PTPRN2: variants seen among roughly 807,000 people sequenced by gnomAD.
PTPRN2 encodes protein tyrosine phosphatase receptor type N2.
Under a neutral mutation model 118.8 loss-of-function variants are expected in PTPRN2, and 74 were observed. The observed-to-expected ratio is 0.62, with a 90% CI of 0.52 to 0.76. The LOEUF (loss-of-function observed/expected upper bound fraction) is 0.76. PTPRN2 is among the 30% of genes least tolerant of loss of function. The pLI, the probability that PTPRN2 is intolerant of heterozygous loss-of-function variation, is 0.00. For missense variants in PTPRN2, 1,481 were observed against 1,394.4 expected, an observed-to-expected ratio of 1.06 and a Z score of -0.99; for synonymous variants, 641 against 608.0, an observed-to-expected ratio of 1.05 and a Z score of -0.80.
At chr7:158,300,481 AT>A (rs1344133873) in intron 3 of PTPRN2, among the ~76,000 whole-genome samples, 1 of 152,126 alleles carries the variant, frequency 6.6e-6, no homozygotes, top group Non-Finnish European at 1.5e-5. Flanking sequence ...CCCAACCTAT[AT>A]TTTGTGTGAG....
intron 11 of PTPRN2, among the ~76,000 whole-genome samples, chr7:158,008,946 C>T (rs1351028565): frequency 6.6e-6 from 1 of 152,204 alleles, no homozygotes; most frequent in Non-Finnish European, 1.5e-5. Context: ...AAATGAGACA[C>T]AGGCTTTCTC....
intron 3 of PTPRN2, among the ~76,000 whole-genome samples, chr7:158,302,327 C>G (rs939981345): frequency 1.3e-5 from 2 of 152,208 alleles, no homozygotes; most frequent in African/African-American, 4.8e-5. Flanking sequence ...GGAGGTGAAC[C>G]ACCATCAGTG....
At chr7:157,685,275 G>C (rs920497063) in intron 12 of PTPRN2, among the ~76,000 whole-genome samples, 14 of 151,924 alleles carry the variant, frequency 9.2e-5, no homozygotes, top group African/African-American at 3.1e-4. Context: ...CCCCGGCGTC[G>C]GGAGGACACC....
At chr7:158,436,191 T>C (rs1259728555) in intron 2 of PTPRN2, among the ~76,000 whole-genome samples, 3 of 152,238 alleles carry the variant, frequency 2.0e-5, no homozygotes, top group African/African-American at 7.2e-5. Context: ...GCCACCAATA[T>C]TCGTGTTGAT....
At chr7:157,561,063 G>T (rs1357530347) in intron 21 of PTPRN2, among the ~76,000 whole-genome samples, 5 of 152,208 alleles carry the variant, frequency 3.3e-5, no homozygotes, top group Non-Finnish European at 1.5e-5. Context: ...TCCATTCCCT[G>T]GCCCTCTTAG....
At chr7:157,656,678 G>C in intron 13 of PTPRN2, 127 bp from the exon 14 acceptor site, 1 of 1,013,958 alleles carries the variant, frequency 9.9e-7, no homozygotes, top group Non-Finnish European at 1.4e-6. Context: ...GCAGGCGAGA[G>C]TTTACCCCAG....
chr7:157,771,690 GAC>G (rs1207290217), intron 12 of PTPRN2, among the ~76,000 whole-genome samples: 1 of 151,464 alleles, frequency 6.6e-6, no homozygotes, highest in African/African-American at 2.4e-5. Context: ...CACACATGCA[GAC>G]ACACAAACAC....
At chr7:158,522,481 G>A (rs1445345993) in intron 1 of PTPRN2, among the ~76,000 whole-genome samples, 2 of 151,016 alleles carry the variant, frequency 1.3e-5, no homozygotes, top group South Asian at 2.1e-4. Flanking sequence ...TCAGAATGGT[G>A]GACTGTTTTA....
At chr7:158,388,742 T>C (rs1028136059) in intron 2 of PTPRN2, among the ~76,000 whole-genome samples, 1 of 152,142 alleles carries the variant, frequency 6.6e-6, no homozygotes, top group East Asian at 1.9e-4. Context: ...CCTTGGCCTT[T>C]CTGGCCACCA....
chr7:158,045,169 C>T (rs950447219), intron 11 of PTPRN2, among the ~76,000 whole-genome samples: 6 of 152,132 alleles, frequency 3.9e-5, no homozygotes, highest in Non-Finnish European at 2.9e-5. Context: ...ATATCTGACC[C>T]GGCTTTAAAG....
At chr7:158,467,333 G>A (rs1307408146) in intron 2 of PTPRN2, among the ~76,000 whole-genome samples, 1 of 151,976 alleles carries the variant, frequency 6.6e-6, no homozygotes, top group East Asian at 1.9e-4. Context: ...AGTTGAGTGA[G>A]TTCCTTATAT....
rs117673343 is a variant in PTPRN2 at position 158,127,876 on chromosome 7, C to T, written c.1556+5801G>A. 5.9e-3 allele frequency among the ~76,000 whole-genome samples: 905 copies of T among 152,262 alleles called. 6 individuals carry two copies. The highest frequency in any genetic ancestry group is 0.018 in the African/African-American group (744 of 41,546). On this transcript the variant is annotated intron_variant, in intron 9 of 22. Coordinates refer to ENST00000389418, the MANE Select transcript of PTPRN2 (RefSeq NM_002847.5). ...TAAAGTTGTCCTTGGAGGACTGGGG[C>T]GGCTGTCCTGCCCTTCGTCCAGTCT...
At chr7:158,135,472 T>C (rs1818729258) in intron 8 of PTPRN2, among the ~76,000 whole-genome samples, 1 of 151,970 alleles carries the variant, frequency 6.6e-6, no homozygotes, top group Non-Finnish European at 1.5e-5. Context: ...AAATAAGAAG[T>C]CAGAAAATAC....
At position 158,490,687 on chromosome 7, in the gene PTPRN2, C is replaced by T. The variant is rs576385393; in HGVS notation, c.113-902G>A. 1.2e-3 allele frequency among the ~76,000 whole-genome samples: 189 copies of T among 152,346 alleles called. 2 individuals are homozygous for T. The highest frequency in any genetic ancestry group is 4.3e-3 in the African/African-American group (180 of 41,586). ...CAGCAAAGGCCAGGTGTGGTGTGAA[C>T]GCGCAGTGTCTTTCACTCATTCCTG... On this transcript the variant is annotated intron_variant, in intron 1 of 22. Coordinates refer to ENST00000389418, the MANE Select transcript of PTPRN2 (RefSeq NM_002847.5).
intron 3 of PTPRN2, among the ~76,000 whole-genome samples, chr7:158,270,605 G>A (rs971756383): frequency 6.6e-6 from 1 of 152,088 alleles, no homozygotes; most frequent in African/African-American, 2.4e-5. Context: ...TCCTTTCAGG[G>A]CAGTAATAAG....
At chr7:158,167,769 C>T (rs1393163326) in intron 5 of PTPRN2, among the ~76,000 whole-genome samples, 1 of 152,212 alleles carries the variant, frequency 6.6e-6, no homozygotes, top group Non-Finnish European at 1.5e-5. Flanking sequence ...GGCATCTGTG[C>T]CTGGCTCATT....
chr7:158,100,443 TG>T (rs1475675624), intron 10 of PTPRN2, among the ~76,000 whole-genome samples: 3 of 152,220 alleles, frequency 2.0e-5, no homozygotes, highest in Non-Finnish European at 4.4e-5. Context: ...CTGAATCAAA[TG>T]GTAGTTCTTT....
intron 6 of PTPRN2, among the ~76,000 whole-genome samples, chr7:158,149,327 T>G (rs113436333): frequency 0.027 from 4,184 of 152,284 alleles, 75 homozygotes; most frequent in Non-Finnish European, 0.043. Context: ...ACTGCCTATA[T>G]TTAACCCCTG....
chr7:157,810,544 ACGGGGACGGCGGGACTGC>A (rs1805938665), intron 12 of PTPRN2, among the ~76,000 whole-genome samples: 1 of 110,550 alleles, frequency 9.0e-6, no homozygotes, highest in African/African-American at 3.7e-5. Flanking sequence ...CTCCACGGGG[ACGGGGACGGCGGGACTGC>A]TGGGGGCTGG....
Sources: gnomAD v4.1 joint callset for allele counts (sites outside exome capture counted in the v4.1 genomes callset) on GRCh38, gnomAD v4.1.1 for gene constraint, MANE v1.5 for transcripts, NCBI Gene and HGNC (gene_info 2026-07-23, HGNC 2026-07-21) for gene names.